Variants in IMMP1L observed in about 807,000 individuals in gnomAD.
IMMP1L encodes mitochondrial inner membrane protease subunit 1.
Under a neutral mutation model 21.8 loss-of-function variants are expected in IMMP1L, and 24 were observed. The ratio of observed to expected loss-of-function variants is 1.10; its 90% CI spans 0.80 to 1.55. The LOEUF is 1.55. Ranked by LOEUF, IMMP1L falls within the 40% of genes most tolerant of loss-of-function variation. IMMP1L has a pLI of 0.00. For missense variants in IMMP1L, 195 were observed against 200.7 expected, an observed-to-expected ratio of 0.97 and a Z score of 0.17; for synonymous variants, 46 against 62.8, an observed-to-expected ratio of 0.73 and a Z score of 1.26.
intron 1 of IMMP1L, among the ~76,000 whole-genome samples, chr11:31,506,689 C>T (rs1448991099): frequency 2.7e-5 from 4 of 148,716 alleles, no homozygotes; most frequent in African/African-American, 9.9e-5. Context: ...CGGCTGGGCG[C>T]GGTGGCTCAC....
chr11:31,497,750 G>A (rs1324319381), intron 1 of IMMP1L, among the ~76,000 whole-genome samples: 2 of 152,114 alleles, frequency 1.3e-5, no homozygotes, highest in African/African-American at 4.8e-5. Context: ...GCACCCGGCG[G>A]GGTACAATAT....
chr11:31,491,468 G>A (rs1402898842), intron 1 of IMMP1L, among the ~76,000 whole-genome samples: 1 of 152,208 alleles, frequency 6.6e-6, no homozygotes, highest in Non-Finnish European at 1.5e-5. Flanking sequence ...GCTGAAATGG[G>A]TTCTACTATG....
chr11:31,497,934 C>T (rs1406351276), intron 1 of IMMP1L, among the ~76,000 whole-genome samples: 1 of 151,998 alleles, frequency 6.6e-6, no homozygotes, highest in East Asian at 1.9e-4. Context: ...AAACCTTGAG[C>T]CAGTTCAGAG....
intron 4 of IMMP1L, among the ~76,000 whole-genome samples, chr11:31,456,000 CT>C (rs777950179): frequency 1.2e-3 from 179 of 152,240 alleles, no homozygotes; most frequent in Non-Finnish European, 1.8e-3. Flanking sequence ...TCTCCTCAAA[CT>C]TTGTCCAATA....
intron 1 of IMMP1L, among the ~76,000 whole-genome samples, chr11:31,468,545 A>G (rs1410237904): frequency 6.6e-6 from 1 of 152,178 alleles, no homozygotes; most frequent in African/African-American, 2.4e-5. Context: ...AACTTCTAAA[A>G]AACAAACACT....
intron 1 of IMMP1L, chr11:31,469,942 A>G (rs1954487011): frequency 6.6e-6 from 1 of 152,256 alleles, no homozygotes; most frequent in South Asian, 2.1e-4. Context: ...TGGCATTTTT[A>G]AAGTATGAAA....
chr11:31,449,179 T>G (rs1953652757), intron 4 of IMMP1L: 1 of 604,648 alleles, frequency 1.7e-6, no homozygotes, highest in African/African-American at 2.0e-5. Context: ...ACATAAGGAT[T>G]TAGTATATCA....
rs183831982 is a variant in IMMP1L at position 31,468,194 on chromosome 11, C to G, written c.-29-4889G>C. On this transcript the variant is annotated intron_variant, in intron 1 of 5. Coordinates refer to ENST00000532287, the MANE Select transcript of IMMP1L (RefSeq NM_001304274.2). Reference sequence around the variant, plus strand: ...AAGACATGGGGACAACTGGGTAAATCTGAATATTGTACATAAAAATATATC... The same window carrying G: ...AAGACATGGGGACAACTGGGTAAATGTGAATATTGTACATAAAAATATATC... 2.9e-3 allele frequency among the ~76,000 whole-genome samples: 442 copies of G among 152,182 alleles called. 2 individuals carry two copies. Among genetic ancestry groups the G allele is most frequent in the African/African-American group, 9.8e-3 (407 of 41,564 alleles).
At chr11:31,487,527 T>C (rs1955123459) in intron 1 of IMMP1L, among the ~76,000 whole-genome samples, 1 of 152,154 alleles carries the variant, frequency 6.6e-6, no homozygotes, top group South Asian at 2.1e-4. Context: ...TGAAGGTCCA[T>C]GATAGGCAAG....
intron 1 of IMMP1L, among the ~76,000 whole-genome samples, chr11:31,475,288 A>T (rs1279968395): frequency 3.9e-5 from 6 of 152,232 alleles, no homozygotes; most frequent in African/African-American, 1.4e-4. Context: ...AAACATCCAC[A>T]TTCATTCACC....
In IMMP1L at chr11:31,456,370, C is replaced by T. The variant is rs781412850; in HGVS notation, c.211G>A (p.Ala71Thr). ...GATTTTGGATCACTTGGGCTTTTTG[C>T]AATCACAATGTCACCTCTGAGGGGG... The part of the protein sequence containing the change: ...YGIQRGDIVI[A>T]KSPSDPKSNI... The change falls in exon 4 of 6, where the codon GCA (alanine) becomes ACA (threonine). Residue 71 changes from alanine (A) to threonine (T), a missense_variant. Transcript: ENST00000532287. 1.9e-6 allele frequency: 3 copies of T among 1,610,836 alleles called. No homozygotes were observed. The highest frequency in any genetic ancestry group is 2.5e-6 in the Non-Finnish European group (3 of 1,177,844).
At chr11:31,488,286 A>T (rs1440693785) in intron 1 of IMMP1L, 1 of 152,188 alleles carries the variant, frequency 6.6e-6, no homozygotes, top group Non-Finnish European at 1.5e-5. Flanking sequence ...GCTATTTTCA[A>T]CCATATTGAG....
At chr11:31,440,915 C>T (rs1003330380) in intron 4 of IMMP1L, among the ~76,000 whole-genome samples, 2 of 152,082 alleles carry the variant, frequency 1.3e-5, no homozygotes, top group Non-Finnish European at 2.9e-5. Context: ...GTATTTTCTG[C>T]ATCTCAAGAC....
At chr11:31,497,531 C>T (rs369639328) in intron 1 of IMMP1L, among the ~76,000 whole-genome samples, 2 of 150,634 alleles carry the variant, frequency 1.3e-5, no homozygotes, top group South Asian at 2.1e-4. Flanking sequence ...GTGCGATCTC[C>T]GCTCACCGCA....
chr11:31,476,748 C>T (rs1239246410), intron 1 of IMMP1L, among the ~76,000 whole-genome samples: 7 of 152,004 alleles, frequency 4.6e-5, no homozygotes, highest in Non-Finnish European at 8.8e-5. Context: ...TTGGCAGTTA[C>T]GTTGCATACT....
At chr11:31,443,813 A>G (rs2133574181) in intron 4 of IMMP1L, among the ~76,000 whole-genome samples, 1 of 152,276 alleles carries the variant, frequency 6.6e-6, no homozygotes. Flanking sequence ...ATAGCCAGTC[A>G]TCACCAAAGA....
Position 31,465,046 on chromosome 11 carries a change from A to G in IMMP1L, c.-29-1741T>C, listed in dbSNP as rs185198643. Among the ~76,000 whole-genome samples, 150 of 152,248 alleles carry G rather than the reference A, an allele frequency of 9.9e-4. 1 individual carries two copies. The highest frequency in any genetic ancestry group is 1.0e-3 in the Admixed American group (16 of 15,276). ...ATCTTATATATAGAAAAACCTAAAG[A>G]CTTCACCAAAAATACTTTTAGAACT... is the stretch of plus-strand genomic sequence containing the variant. On this transcript the variant is annotated intron_variant, in intron 1 of 5. Coordinates refer to ENST00000532287, the MANE Select transcript of IMMP1L (RefSeq NM_001304274.2).
At chr11:31,479,636 A>G (rs1466360464) in intron 1 of IMMP1L, among the ~76,000 whole-genome samples, 2 of 152,076 alleles carry the variant, frequency 1.3e-5, no homozygotes, top group African/African-American at 2.4e-5. Context: ...TTAAACACAC[A>G]TTGGACTCTG....
At chr11:31,500,959 A>T (rs1287123651) in intron 1 of IMMP1L, among the ~76,000 whole-genome samples, 1 of 152,238 alleles carries the variant, frequency 6.6e-6, no homozygotes, top group Non-Finnish European at 1.5e-5. Flanking sequence ...AAGCTGTGTG[A>T]TTTAATATAG....
Sources: gnomAD v4.1 joint callset for allele counts (sites outside exome capture counted in the v4.1 genomes callset) on GRCh38, gnomAD v4.1.1 for gene constraint, MANE v1.5 for transcripts, NCBI Gene and HGNC (gene_info 2026-07-23, HGNC 2026-07-21) for gene names.